Variants in RIN3 observed in about 807,000 individuals in gnomAD.
RIN3 encodes the protein Ras and Rab interactor 3.
A neutral mutation model predicts 76.3 loss-of-function variants in RIN3; 54 were observed. That is an observed-to-expected ratio of 0.71 (90% CI 0.57 to 0.89). The LOEUF (loss-of-function observed/expected upper bound fraction) is 0.89. Among genes scored for constraint, RIN3 ranks in the 40% least tolerant of loss-of-function variants. RIN3 has a pLI of 0.00. For missense variants in RIN3, 1,256 were observed against 1,322.1 expected, an observed-to-expected ratio of 0.95 and a Z score of 0.78; for synonymous variants, 576 against 564.0, an observed-to-expected ratio of 1.02 and a Z score of -0.30.
chr14:92,609,584 G>C (rs1392991252), intron 3 of RIN3, among the ~76,000 whole-genome samples: 1 of 152,226 alleles, frequency 6.6e-6, no homozygotes. Flanking sequence ...GCAGAAGCGG[G>C]TGCTGGACGG....
intron 3 of RIN3, among the ~76,000 whole-genome samples, chr14:92,578,234 TAAA>T (rs777276864): frequency 3.0e-5 from 3 of 100,870 alleles, no homozygotes; most frequent in South Asian, 3.0e-4. Flanking sequence ...AGATCTGGCC[TAAA>T]AAAAAAAAAA....
Position 92,648,153 on chromosome 14 carries a change from A to C in RIN3, c.533-3429A>C. ...CCACTGTGGTTCCCTAACAGGTCCC[A>C]AGACCCCAGGATGCAGCCCATTAGC... On this transcript the variant is annotated intron_variant, in intron 5 of 9. Transcript: ENST00000216487. The surrounding 1 kb of genome is among the most constrained non-coding windows in gnomAD (Gnocchi z 4.1). 6.9e-6 allele frequency among the ~76,000 whole-genome samples: 1 copy of C among 145,404 alleles called. No homozygotes were observed. The highest frequency in any genetic ancestry group is 2.6e-5 in the African/African-American group (1 of 38,660).
At chr14:92,661,753 AC>A (rs1566893462) in intron 7 of RIN3, among the ~76,000 whole-genome samples, 33 of 143,008 alleles carry the variant, frequency 2.3e-4, no homozygotes, top group South Asian at 2.0e-3. Context: ...ACACACACAC[AC>A]ACACAAAAAA....
rs1050517687 is a variant in RIN3, at chr14:92,656,921, G to C, written c.2027-2240G>C. 6.6e-6 allele frequency among the ~76,000 whole-genome samples: 1 copy of C among 152,218 alleles called. No homozygotes were observed. Among genetic ancestry groups the C allele is most frequent in the African/African-American group, 2.4e-5 (1 of 41,458 alleles). On this transcript the variant is annotated intron_variant, in intron 6 of 9. Coordinates refer to ENST00000216487, the MANE Select transcript of RIN3 (RefSeq NM_024832.5). The surrounding 1 kb of genome is among the most constrained non-coding windows in gnomAD (Gnocchi z 5.2). ...GAGAGGTTTGGTGACCTGGCCATGA[G>C]GACAGAGCTGGTAGTAGAGCTGGGC... is the stretch of plus-strand genomic sequence containing the variant.
intron 3 of RIN3, among the ~76,000 whole-genome samples, chr14:92,582,178 G>A (rs373778946): frequency 2.0e-4 from 31 of 152,190 alleles, no homozygotes; most frequent in African/African-American, 6.3e-4. Flanking sequence ...TTTCAAGCCT[G>A]AGGGACAAAT....
chr14:92,669,237 G>T (rs1177517615), intron 7 of RIN3, among the ~76,000 whole-genome samples: 1 of 152,178 alleles, frequency 6.6e-6, no homozygotes, highest in African/African-American at 2.4e-5. Context: ...TTCAAGGAGG[G>T]GAGATAGGCA....
At chr14:92,564,145 C>T (rs1207718901) in intron 2 of RIN3, among the ~76,000 whole-genome samples, 1 of 152,246 alleles carries the variant, frequency 6.6e-6, no homozygotes, top group African/African-American at 2.4e-5. Flanking sequence ...AAGCAGATAG[C>T]TCTGAATTGT....
At chr14:92,518,662 G>A (rs1460664587) in intron 1 of RIN3, among the ~76,000 whole-genome samples, 1 of 152,202 alleles carries the variant, frequency 6.6e-6, no homozygotes, top group African/African-American at 2.4e-5. Context: ...GGCCAGCCCT[G>A]GATACTGTGT....
At chr14:92,664,364 C>CTT (rs373597134) in intron 7 of RIN3, among the ~76,000 whole-genome samples, 987 of 84,270 alleles carry the variant, frequency 0.012, 39 homozygotes, top group African/African-American at 0.017. Context: ...TTCTTTCTTT[C>CTT]TTTTTTTTTT....
At chr14:92,657,275 G>A (rs1039354822) in intron 6 of RIN3, among the ~76,000 whole-genome samples, 6 of 151,984 alleles carry the variant, frequency 3.9e-5, no homozygotes, top group African/African-American at 1.5e-4. Context: ...CAGGAGAATT[G>A]CTTGAAACCC....
chr14:92,556,991 C>T (rs1470602485), intron 2 of RIN3, among the ~76,000 whole-genome samples: 5 of 152,156 alleles, frequency 3.3e-5, no homozygotes, highest in African/African-American at 7.2e-5. Flanking sequence ...TCCAAAACAT[C>T]TCATCATTCA....
intron 3 of RIN3, among the ~76,000 whole-genome samples, chr14:92,579,156 CA>C (rs1898355531): frequency 6.6e-6 from 1 of 151,952 alleles, no homozygotes; most frequent in African/African-American, 2.4e-5. Flanking sequence ...TCGAACCCCC[CA>C]CCTCAGGTGA....
chr14:92,592,849 G>A (rs1166987615), intron 3 of RIN3, among the ~76,000 whole-genome samples: 2 of 151,714 alleles, frequency 1.3e-5, no homozygotes, highest in Non-Finnish European at 2.9e-5. Context: ...CTAATTTTTT[G>A]TGTTTTTAGA....
At chr14:92,572,529 C>T (rs982888618) in intron 2 of RIN3, among the ~76,000 whole-genome samples, 6 of 152,330 alleles carry the variant, frequency 3.9e-5, no homozygotes, top group African/African-American at 1.4e-4. Context: ...ACCGCCTGCC[C>T]ATCATCTGAT....
In RIN3 at chr14:92,659,369, G is replaced by A. The variant is rs1004615045; in HGVS notation, c.2235G>A (p.Lys745=). 1.2e-6 allele frequency: 2 copies of A among 1,613,192 alleles called. No individual in the cohort carries two copies. Among genetic ancestry groups the A allele is most frequent in the South Asian group, 1.1e-5 (1 of 90,988 alleles). The part of the protein sequence containing the change: ...EVPMMEKILQ[K]FTSMHKAYSP... Reference sequence around the variant, plus strand: ...CCATGATGGAGAAGATCCTGCAGAAGTTCACCAGCATGCACAAGGCCTACT... The same window carrying A: ...CCATGATGGAGAAGATCCTGCAGAAATTCACCAGCATGCACAAGGCCTACT... The change falls in exon 7 of 10, where the codon AAG becomes AAA. Residue 745 remains lysine, a synonymous_variant. Coordinates refer to ENST00000216487, the MANE Select transcript of RIN3 (RefSeq NM_024832.5).
chr14:92,641,226 G>A lies in RIN3; in HGVS notation c.441-12G>A, dbSNP rs747139670. 7.5e-6 allele frequency: 12 copies of A among 1,601,816 alleles called. No homozygotes were observed. The highest frequency in any genetic ancestry group is 6.7e-5 in the East Asian group (3 of 44,842). On this transcript the variant is annotated splice_polypyrimidine_tract_variant and intron_variant, in intron 4 of 9. Transcript: ENST00000216487. ...GACCCAGACATGACTTCTGCCCCTC[G>A]TGTCTTCACAGAGACTTACTGCCCT... is the stretch of plus-strand genomic sequence containing the variant.
intron 1 of RIN3, among the ~76,000 whole-genome samples, chr14:92,532,601 G>A (rs1180669545): frequency 6.6e-6 from 1 of 152,164 alleles, no homozygotes; most frequent in Non-Finnish European, 1.5e-5. Context: ...CAGCAGGGGA[G>A]GGGGAGGCTG....
chr14:92,582,270 T>G (rs1477248353), intron 3 of RIN3, among the ~76,000 whole-genome samples: 1 of 152,114 alleles, frequency 6.6e-6, no homozygotes, highest in Middle Eastern at 3.2e-3. Flanking sequence ...GAATCTCACT[T>G]TCCATTTTTA....
rs1202514748 is a variant in RIN3 at position 92,643,535 on chromosome 14, C to T, written c.532+2206C>T. Reference sequence around the variant, plus strand: ...GGACAGGTGACAGTTTTGTAATTTGCACTTTTGTAAGGTGCAGATGACCTC... The same window carrying T: ...GGACAGGTGACAGTTTTGTAATTTGTACTTTTGTAAGGTGCAGATGACCTC... On this transcript the variant is annotated intron_variant, in intron 5 of 9. Coordinates refer to ENST00000216487, the MANE Select transcript of RIN3 (RefSeq NM_024832.5). The surrounding 1 kb of genome is among the most constrained non-coding windows in gnomAD (Gnocchi z 4.8). 6.6e-6 allele frequency among the ~76,000 whole-genome samples: 1 copy of T among 152,206 alleles called. No individual in the cohort carries two copies. The highest frequency in any genetic ancestry group is 1.5e-5 in the Non-Finnish European group (1 of 68,034).
Sources: gnomAD v4.1 joint callset for allele counts (sites outside exome capture counted in the v4.1 genomes callset) on GRCh38, gnomAD v4.1.1 for gene constraint, Gnocchi (gnomAD v3.1) non-coding constraint, MANE v1.5 for transcripts, NCBI Gene and HGNC (gene_info 2026-07-23, HGNC 2026-07-21) for gene names.